The following LRP1 variants were observed in gnomAD, a reference collection of about 807,000 sequenced individuals.
LRP1 encodes the protein LDL receptor related protein 1.
LRP1 carries 51 observed loss-of-function variants against 541.5 expected under a neutral mutation model. That is an observed-to-expected ratio of 0.09 (90% CI 0.08 to 0.12). The LOEUF (loss-of-function observed/expected upper bound fraction) is 0.12, where lower values mean the gene tolerates loss of function less well. Ranked by LOEUF, LRP1 falls within the 10% of genes least tolerant of loss-of-function variation. LRP1 has a pLI of 1.00. For missense variants in LRP1, 3,878 were observed against 6,376.2 expected (o/e 0.61, Z 13.34); for synonymous variants, 2,219 against 2,470.8 (o/e 0.90, Z 3.02).
chr12:57,197,780 C>A lies in LRP1; in HGVS notation c.9282+116C>A. 1 of 1,175,204 alleles carries A rather than the reference C, an allele frequency of 8.5e-7. No homozygotes were observed. Among genetic ancestry groups the A allele is most frequent in the Non-Finnish European group, 1.2e-6 (1 of 837,758 alleles). 72.8% of individuals were successfully genotyped at this position (1,175,204 alleles called of 1,614,324 possible). ...TGCTTCCTTCTCACTCCACTAGTCA[C>A]TATATGACTGCTTGTTCTAGCTGCT... On this transcript the variant is annotated intron_variant, in intron 58 of 88. Coordinates refer to ENST00000243077, the MANE Select transcript of LRP1 (RefSeq NM_002332.3). This position sits in a 1 kb window ranked among gnomAD's most constrained non-coding sequence, Gnocchi z 4.5.
At chr12:57,209,912 G>T (rs776202120) in intron 80 of LRP1, 44 bp downstream of exon 80, 1 of 1,604,942 alleles carries the variant, frequency 6.2e-7, no homozygotes, top group East Asian at 2.2e-5. Context: ...GAGGCCTGTG[G>T]GCATTGAGTC....
chr12:57,150,403 G>A (rs2035504978), intron 6 of LRP1, among the ~76,000 whole-genome samples: 2 of 152,102 alleles, frequency 1.3e-5, no homozygotes, highest in African/African-American at 2.4e-5. Flanking sequence ...ATGTTAGCCA[G>A]GATGGTCTCG....
chr12:57,211,442 AC>A lies in LRP1; in HGVS notation c.13092-44del. Reference sequence around the variant, plus strand: ...CCCTCCCTTCCTCAGCATCCCAGGCACGCCTCTGCCAGCCCCAGCCCCAGCC... The same window carrying A: ...CCCTCCCTTCCTCAGCATCCCAGGCAGCCTCTGCCAGCCCCAGCCCCAGCC... On this transcript the variant is annotated intron_variant, in intron 84 of 88. Transcript: ENST00000243077. This position sits in a 1 kb window ranked among gnomAD's most constrained non-coding sequence, Gnocchi z 4.3. 6.2e-7 allele frequency: 1 copy of A among 1,609,686 alleles called. No homozygotes were observed. Among genetic ancestry groups the A allele is most frequent in the East Asian group, 2.2e-5 (1 of 44,826 alleles).
Position 57,206,457 on chromosome 12 carries a change from C to T in LRP1, c.11591-16C>T, listed in dbSNP as rs377078742. ...CTGCATCCCACAGCCCCAGCCCTGGCCTCTTGCTTCTCCAGGCTCTGAGTA... is the reference window on the plus strand; with the variant it reads ...CTGCATCCCACAGCCCCAGCCCTGGTCTCTTGCTTCTCCAGGCTCTGAGTA... On this transcript the variant is annotated splice_polypyrimidine_tract_variant and intron_variant, in intron 75 of 88. Transcript: ENST00000243077. The surrounding 1 kb of genome is among the most constrained non-coding windows in gnomAD (Gnocchi z 4.7). The T allele has an allele frequency of 2.0e-5, 33 of 1,612,964 alleles. No homozygotes were observed. Among genetic ancestry groups the T allele is most frequent in the Non-Finnish European group, 2.5e-5 (29 of 1,179,504 alleles).
At chr12:57,157,983 G>A (rs1457391586) in intron 10 of LRP1, among the ~76,000 whole-genome samples, 1 of 152,152 alleles carries the variant, frequency 6.6e-6, no homozygotes, top group Non-Finnish European at 1.5e-5. Context: ...GGTGGGGGAT[G>A]GGCAGTAGGG....
chr12:57,181,298 G>A lies in LRP1; in HGVS notation c.5662+7G>A. 6.2e-7 allele frequency: 1 copy of A among 1,608,434 alleles called. No homozygotes were observed. The highest frequency in any genetic ancestry group is 8.5e-7 in the Non-Finnish European group (1 of 1,178,248). ...GGCCAGCAGGCCTGCGAGGGTCAGT[G>A]CCTGGCTTTCCTCCCAGCCTTGTCC... is the stretch of plus-strand genomic sequence containing the variant. On this transcript the variant is annotated splice_region_variant and intron_variant, in intron 34 of 88. Transcript: ENST00000243077.
rs1044589478 is a variant in LRP1, at chr12:57,197,236, A to G, written c.9077-63A>G. The G allele has an allele frequency of 2.5e-6, 4 of 1,612,196 alleles. No homozygotes were observed. In the African/African-American group the frequency reaches 5.3e-5, roughly 22 times the overall value. On this transcript the variant is annotated intron_variant, in intron 56 of 88. Transcript: ENST00000243077. This position sits in a 1 kb window ranked among gnomAD's most constrained non-coding sequence, Gnocchi z 4.5. ...GACTGCCCGGGTGGCAGAGCTCCAG[A>G]CAGGCAGGAGACCAGGGCCGCTAGA...
At chr12:57,155,276 G>A (rs566965925) in intron 8 of LRP1, 1 of 185,150 alleles carries the variant, frequency 5.4e-6, no homozygotes, top group East Asian at 1.4e-4. Context: ...GGTGTTACAG[G>A]ACTTGCTTGG....
intron 1 of LRP1, among the ~76,000 whole-genome samples, chr12:57,133,701 G>C (rs1239825302): frequency 1.4e-5 from 2 of 142,204 alleles, no homozygotes; most frequent in African/African-American, 5.3e-5. Context: ...GTTCCCTTTA[G>C]AGAACCCCCC....
At position 57,154,432 on chromosome 12, in the gene LRP1, G is replaced by A; in HGVS notation, c.1005-47G>A. 1 of 1,606,978 alleles carries A rather than the reference G, an allele frequency of 6.2e-7. No homozygotes were observed. The highest frequency in any genetic ancestry group is 8.5e-7 in the Non-Finnish European group (1 of 1,174,538). On this transcript the variant is annotated intron_variant, in intron 7 of 88. Coordinates refer to ENST00000243077, the MANE Select transcript of LRP1 (RefSeq NM_002332.3). The surrounding 1 kb of genome is among the most constrained non-coding windows in gnomAD (Gnocchi z 4.6). ...GGGAGGCTGAGGCTACAGTGGTAAG[G>A]AGGGTGCCCAATGTCCAGACCCCAT...
Position 57,201,376 on chromosome 12 carries a change from C to T in LRP1, c.10346-121C>T. Reference sequence around the variant, plus strand: ...CACCAAAACTGGGGATAAACTGTTCCTTCCTCCGAAGAAGTTGCTGGCAGG... The same window carrying T: ...CACCAAAACTGGGGATAAACTGTTCTTTCCTCCGAAGAAGTTGCTGGCAGG... On this transcript the variant is annotated intron_variant, in intron 65 of 88. Coordinates refer to ENST00000243077, the MANE Select transcript of LRP1 (RefSeq NM_002332.3). The surrounding 1 kb of genome is among the most constrained non-coding windows in gnomAD (Gnocchi z 6.4). 1 of 1,459,796 alleles carries T rather than the reference C, an allele frequency of 6.9e-7. No homozygotes were observed. The highest frequency in any genetic ancestry group is 9.3e-7 in the Non-Finnish European group (1 of 1,079,388). The allele number at this position is 1,459,796 out of a possible 1,614,324, so 90.4% of individuals were successfully genotyped here.
At chr12:57,146,596 G>A (rs922322584) in intron 6 of LRP1, 1 of 152,156 alleles carries the variant, frequency 6.6e-6, no homozygotes, top group Non-Finnish European at 1.5e-5. Flanking sequence ...CCCCGGGATG[G>A]TGGCGAGCAG....
Position 57,205,659 on chromosome 12 carries a change from A to G in LRP1, c.11572A>G (p.Asn3858Asp). Residue 3858 changes from asparagine (N) to aspartate (D), a missense_variant, in exon 75 of 89, where the codon AAC becomes GAC. Around this residue, in one of 13 missense-constraint regions of LRP1, gnomAD observed 871 missense variants for 1,212.4 expected, o/e 0.72. Transcript: ENST00000243077. The surrounding 1 kb of genome is among the most constrained non-coding windows in gnomAD (Gnocchi z 4.6). ...CGCTCGGAACTTCATGAAGACGCAC[A>G]ACACCTGCAAGGCCGAAGGTGCCGG... ...SCARNFMKTHNTCKAEGSEYQ... is the reference protein window; with the variant it reads ...SCARNFMKTHDTCKAEGSEYQ... 2.5e-6 allele frequency: 4 copies of G among 1,612,348 alleles called. No individual in the cohort carries two copies. Among genetic ancestry groups the G allele is most frequent in the South Asian group, 2.2e-5 (2 of 91,092 alleles).
At chr12:57,182,133 G>A (rs1378924751) in intron 34 of LRP1, among the ~76,000 whole-genome samples, 3 of 152,104 alleles carry the variant, frequency 2.0e-5, no homozygotes, top group African/African-American at 7.2e-5. Flanking sequence ...GGGACCATGT[G>A]GGGATTCACT....
chr12:57,174,715 A>G (rs1216475804), intron 22 of LRP1, among the ~76,000 whole-genome samples: 2 of 152,170 alleles, frequency 1.3e-5, no homozygotes, highest in African/African-American at 4.8e-5. Flanking sequence ...CAGTGAGCCA[A>G]CATCCTGCCA....
intron 1 of LRP1, among the ~76,000 whole-genome samples, chr12:57,136,302 C>CA (rs1465778457): frequency 2.0e-5 from 3 of 150,680 alleles, no homozygotes; most frequent in Non-Finnish European, 4.4e-5. Context: ...TCATTTTGGC[C>CA]AGGGGCCTGA....
chr12:57,179,655 A>C lies in LRP1; in HGVS notation c.4966+99A>C. The C allele has an allele frequency of 7.1e-7, 1 of 1,408,996 alleles. No individual in the cohort carries two copies. The highest frequency in any genetic ancestry group is 9.9e-7 in the Non-Finnish European group (1 of 1,008,574). The allele number at this position is 1,408,996 out of a possible 1,614,324, so 87.3% of individuals were successfully genotyped here. A position where few individuals can be genotyped will look rare whatever the true frequency, so the allele number is the denominator to read the frequency against. ...ACTTGGTCCGAGTGGTCCTTCTCCC[A>C]GTCCTGTTCCCCCTCAGTGCTCCAG... On this transcript the variant is annotated intron_variant, in intron 29 of 88. Coordinates refer to ENST00000243077, the MANE Select transcript of LRP1 (RefSeq NM_002332.3). The surrounding 1 kb of genome is among the most constrained non-coding windows in gnomAD (Gnocchi z 6.8).
chr12:57,178,453 C>G lies in LRP1; in HGVS notation c.4456C>G (p.Leu1486Val). The change falls in exon 27 of 89, where the codon CTG (leucine) becomes GTG (valine). Residue 1486 changes from leucine (L) to valine (V), a missense_variant. Leu to Val is a conservative substitution (Grantham distance 32). Transcript: ENST00000243077. The surrounding 1 kb of genome is among the most constrained non-coding windows in gnomAD (Gnocchi z 5.8). ...CCTGTCGCACCCGTTTGCAGTGACG[C>G]TGTACGGGGGGGAGGTCTACTGGAC... ...EFLSHPFAVTLYGGEVYWTDW... is the reference protein window; with the variant it reads ...EFLSHPFAVTVYGGEVYWTDW... 6.2e-7 allele frequency: 1 copy of G among 1,614,228 alleles called. No individual in the cohort carries two copies. The highest frequency in any genetic ancestry group is 8.5e-7 in the Non-Finnish European group (1 of 1,180,022).
intron 81 of LRP1, 65 bp downstream of exon 81, chr12:57,210,234 T>A (rs1173794800): frequency 5.8e-6 from 9 of 1,549,858 alleles, no homozygotes; most frequent in Non-Finnish European, 7.9e-6. Flanking sequence ...GGCTCCTGAC[T>A]TCCCCTGACC....
Sources: allele counts gnomAD v4.1 joint callset (sites outside exome capture counted in the v4.1 genomes callset), GRCh38; gene constraint gnomAD v4.1.1; regional missense constraint gnomAD v4.1.1; non-coding constraint Gnocchi (gnomAD v3.1); transcripts MANE v1.5; gene names NCBI Gene and HGNC (gene_info 2026-07-23, HGNC 2026-07-21).